EEPD1: variants seen among roughly 807,000 people sequenced by gnomAD.
EEPD1 encodes endonuclease/exonuclease/phosphatase family domain containing 1.
A neutral mutation model predicts 46.3 loss-of-function variants in EEPD1; 17 were observed. That is an observed-to-expected ratio of 0.37 (90% confidence interval 0.25 to 0.55). The LOEUF (loss-of-function observed/expected upper bound fraction) is 0.55, where lower values mean the gene tolerates loss of function less well. Ranked by LOEUF, EEPD1 falls within the 20% of genes least tolerant of loss-of-function variation. The pLI is 0.83. For synonymous variants in EEPD1, 313 were observed against 315.6 expected, an observed-to-expected ratio of 0.99 and a Z score of 0.09; for missense variants, 673 against 745.6, an observed-to-expected ratio of 0.90 and a Z score of 1.13.
chr7:36,266,894 A>G (rs534414993), intron 3 of EEPD1, among the ~76,000 whole-genome samples: 1 of 152,208 alleles, frequency 6.6e-6, no homozygotes, highest in Non-Finnish European at 1.5e-5. Context: ...TCATCCATGT[A>G]TCAGTACTTC....
chr7:36,196,500 G>A (rs1469184672), intron 2 of EEPD1, among the ~76,000 whole-genome samples: 1 of 152,102 alleles, frequency 6.6e-6, no homozygotes, highest in African/African-American at 2.4e-5. Context: ...TTGGCTCGCT[G>A]CAGCCTCCCT....
In EEPD1 at chr7:36,285,710, C is replaced by T. The variant is rs146243076; in HGVS notation, c.1176+890C>T. ...TATCCCCTCCTGGGCATGGAGACCC[C>T]CTGCTTTCTGTGTGCTCCAGAGCAG... On this transcript the variant is annotated intron_variant, in intron 5 of 7. Coordinates refer to ENST00000242108, the MANE Select transcript of EEPD1 (RefSeq NM_030636.3). Among the ~76,000 whole-genome samples the T allele has an allele frequency of 2.5e-3, 379 of 152,292 alleles. 7 individuals carry two copies. In the East Asian group the frequency reaches 0.033, roughly 13 times the overall value.
At chr7:36,294,048 A>T (rs1002865393) in intron 6 of EEPD1, among the ~76,000 whole-genome samples, 7 of 152,142 alleles carry the variant, frequency 4.6e-5, no homozygotes, top group African/African-American at 1.7e-4. Flanking sequence ...GTAGGAATTG[A>T]TAGGTAAAGT....
chr7:36,255,821 C>A (rs895456205), intron 3 of EEPD1, among the ~76,000 whole-genome samples: 1 of 151,608 alleles, frequency 6.6e-6, no homozygotes, highest in Admixed American at 6.6e-5. Flanking sequence ...GTGTCTCTAT[C>A]TCCTTCAATT....
chr7:36,192,013 C>T (rs970666776), intron 2 of EEPD1, among the ~76,000 whole-genome samples: 3 of 152,186 alleles, frequency 2.0e-5, no homozygotes, highest in East Asian at 1.9e-4. Context: ...CTTTACGAGA[C>T]TCTTTCCGCG....
intron 2 of EEPD1, among the ~76,000 whole-genome samples, chr7:36,206,746 C>T (rs954070054): frequency 2.6e-5 from 4 of 152,196 alleles, no homozygotes; most frequent in African/African-American, 9.6e-5. Flanking sequence ...TTTTCCTGTG[C>T]ACCTAAAAAC....
chr7:36,242,768 C>CAAAAAAAAA (rs34909516), intron 3 of EEPD1, among the ~76,000 whole-genome samples: 1 of 85,406 alleles, frequency 1.2e-5, no homozygotes. Flanking sequence ...AATAAAAATA[C>CAAAAAAAAA]AAAAAAAAAA....
chr7:36,247,792 G>A (rs541889699), intron 3 of EEPD1, among the ~76,000 whole-genome samples: 3 of 152,336 alleles, frequency 2.0e-5, no homozygotes, highest in Middle Eastern at 6.8e-3. Flanking sequence ...CATACTGGAC[G>A]ATCCTATCTC....
At chr7:36,198,324 G>GAAAAAAAAAAAAAAAAAA (rs1192041161) in intron 2 of EEPD1, among the ~76,000 whole-genome samples, 1 of 25,252 alleles carries the variant, frequency 4.0e-5, no homozygotes, top group Non-Finnish European at 8.9e-5. Flanking sequence ...CTGGTCTTAA[G>GAAAAAAAAAAAAAAAAAA]AAAAAAAAAA....
chr7:36,172,617 GTTTTT>G (rs70977113), intron 2 of EEPD1, among the ~76,000 whole-genome samples: 17,949 of 100,224 alleles, frequency 0.18, 1,505 homozygotes, highest in Non-Finnish European at 0.24. Flanking sequence ...AATATTATGA[GTTTTT>G]TTTTTTTTTT....
chr7:36,233,487 T>C (rs1786373794), intron 2 of EEPD1, among the ~76,000 whole-genome samples: 1 of 152,220 alleles, frequency 6.6e-6, no homozygotes, highest in African/African-American at 2.4e-5. Context: ...CATGTGCCAG[T>C]TGTAGACACC....
rs751284587 is a variant in EEPD1, at chr7:36,297,051, T to C, written c.1374T>C (p.Tyr458=). 6 of 1,614,144 alleles carry C rather than the reference T, an allele frequency of 3.7e-6. No individual in the cohort carries two copies. In the East Asian group the frequency reaches 1.1e-4, roughly 30 times the overall value. ...GCCAAGGGCCAGACAGCAATGACTA[T>C]GATATCCTGAGGAAAGAAAAGTTCC... ...DFGQGPDSND[Y]DILRKEKFHH... Residue 458 remains tyrosine (Y), a synonymous_variant, in exon 7 of 8, where the codon TAT becomes TAC. Coordinates refer to ENST00000242108, the MANE Select transcript of EEPD1 (RefSeq NM_030636.3).
In EEPD1 at chr7:36,300,559, T is replaced by G. The variant is rs1373795413; in HGVS notation, c.*1353T>G. 6.6e-6 allele frequency: 1 copy of G among 152,266 alleles called. No homozygotes were observed. Among genetic ancestry groups the G allele is most frequent in the African/African-American group, 2.4e-5 (1 of 41,474 alleles). 9.4% of individuals were successfully genotyped at this position (152,266 alleles called of 1,614,324 possible). The stretch of plus-strand genomic sequence containing the variant: ...GCTTAGATTACCTAGATTATTCCAG[T>G]ATCCCATGGAAGCTGAGGACTTATT... On this transcript the variant is annotated 3_prime_UTR_variant, in exon 8 of 8. Transcript: ENST00000242108.
intron 2 of EEPD1, among the ~76,000 whole-genome samples, chr7:36,161,047 G>A (rs1784895663): frequency 6.6e-6 from 1 of 152,142 alleles, no homozygotes; most frequent in Non-Finnish European, 1.5e-5. Context: ...TGGAGTATGA[G>A]GCCATGGTCT....
chr7:36,166,533 C>T (rs1044985275), intron 2 of EEPD1, among the ~76,000 whole-genome samples: 7 of 151,542 alleles, frequency 4.6e-5, no homozygotes, highest in South Asian at 2.1e-4. Flanking sequence ...CTAGCCCTGG[C>T]GACATAGCGA....
At chr7:36,206,165 T>C (rs532129143) in intron 2 of EEPD1, among the ~76,000 whole-genome samples, 1 of 151,752 alleles carries the variant, frequency 6.6e-6, no homozygotes, top group Non-Finnish European at 1.5e-5. Flanking sequence ...AGCCGAGACA[T>C]AGGATTTTAT....
chr7:36,254,318 C>T (rs1293937102), intron 3 of EEPD1, among the ~76,000 whole-genome samples: 2 of 152,124 alleles, frequency 1.3e-5, no homozygotes, highest in Non-Finnish European at 2.9e-5. Context: ...GTGATGTTCC[C>T]CTCCCTGCGT....
chr7:36,236,839 G>T (rs1178841699), intron 2 of EEPD1, among the ~76,000 whole-genome samples: 1 of 152,188 alleles, frequency 6.6e-6, no homozygotes, highest in East Asian at 1.9e-4. Flanking sequence ...AAATGGACCA[G>T]TCAGCTCTTT....
chr7:36,202,328 G>C (rs1402750316), intron 2 of EEPD1, among the ~76,000 whole-genome samples: 4 of 152,200 alleles, frequency 2.6e-5, no homozygotes, highest in Non-Finnish European at 5.9e-5. Flanking sequence ...ATTTCAGCCA[G>C]GACCTCTGTA....
Sources: gnomAD v4.1 joint callset for allele counts (sites outside exome capture counted in the v4.1 genomes callset) on GRCh38, gnomAD v4.1.1 for gene constraint, MANE v1.5 for transcripts, NCBI Gene and HGNC (gene_info 2026-07-23, HGNC 2026-07-21) for gene names.